The following RTN4R variants were observed in gnomAD, a reference collection of about 807,000 sequenced individuals.
RTN4R encodes reticulon-4 receptor.
In RTN4R, 4 loss-of-function variants were observed where a neutral mutation model predicts 27.7. The ratio of observed to expected loss-of-function variants is 0.14; its 90% CI spans 0.07 to 0.33. The LOEUF (loss-of-function observed/expected upper bound fraction) is 0.33. Ranked by LOEUF, RTN4R falls within the 10% of genes least tolerant of loss-of-function variation. RTN4R has a pLI of 1.00. For missense variants in RTN4R, 554 were observed against 671.5 expected (o/e 0.83, Z 1.93); for synonymous variants, 290 against 305.6 (o/e 0.95, Z 0.53).
At chr22:20,262,020 T>C (rs1272610174) in intron 1 of RTN4R, among the ~76,000 whole-genome samples, 1 of 152,096 alleles carries the variant, frequency 6.6e-6, no homozygotes, top group Non-Finnish European at 1.5e-5. Flanking sequence ...GGGAACAAGA[T>C]GGTAGGCAGG....
chr22:20,259,215 C>T (rs945499827), intron 1 of RTN4R, among the ~76,000 whole-genome samples: 1 of 152,174 alleles, frequency 6.6e-6, no homozygotes, highest in South Asian at 2.1e-4. Flanking sequence ...GCTCCGGCAG[C>T]GGGTGAAGAA....
At chr22:20,246,091 C>T (rs986668431) in intron 1 of RTN4R, among the ~76,000 whole-genome samples, 1 of 152,228 alleles carries the variant, frequency 6.6e-6, no homozygotes, top group African/African-American at 2.4e-5. Flanking sequence ...GGGACCTCCC[C>T]GGAGGATGGC....
chr22:20,260,590 G>C (rs1037781506), intron 1 of RTN4R, among the ~76,000 whole-genome samples: 5 of 152,172 alleles, frequency 3.3e-5, no homozygotes, highest in Non-Finnish European at 5.9e-5. Context: ...GGGTGAGTGA[G>C]TTCCCCAGGT....
chr22:20,255,276 G>GA lies in RTN4R; in HGVS notation c.23-12167dup, dbSNP rs1289621281. On this transcript the variant is annotated intron_variant, in intron 1 of 1. Coordinates refer to ENST00000043402, the MANE Select transcript of RTN4R (RefSeq NM_023004.6). The surrounding 1 kb of genome is among the most constrained non-coding windows in gnomAD (Gnocchi z 4.8). ...ATCTCAGAAAACAGATAAATAAAAA[G>GA]AAAAAAAAGAAAGTGTATCTTCCAG... Among the ~76,000 whole-genome samples the GA allele has an allele frequency of 6.6e-6, 1 of 151,858 alleles. No homozygotes were observed. Among genetic ancestry groups the GA allele is most frequent in the Non-Finnish European group, 1.5e-5 (1 of 67,942 alleles).
In RTN4R at chr22:20,255,234, G is replaced by T. The variant is rs1429847293; in HGVS notation, c.23-12124C>A. 1.3e-5 allele frequency among the ~76,000 whole-genome samples: 2 copies of T among 152,188 alleles called. No individual in the cohort carries two copies. The highest frequency in any genetic ancestry group is 2.9e-5 in the Non-Finnish European group (2 of 68,038). ...AATGTTATTATTTTTTAAAACAACT[G>T]CATATGTGGCACTAAAATCTCAGAA... On this transcript the variant is annotated intron_variant, in intron 1 of 1. Transcript: ENST00000043402. This position sits in a 1 kb window ranked among gnomAD's most constrained non-coding sequence, Gnocchi z 4.8.
chr22:20,246,152 A>G (rs1479153878), intron 1 of RTN4R, among the ~76,000 whole-genome samples: 3 of 152,172 alleles, frequency 2.0e-5, no homozygotes, highest in African/African-American at 7.2e-5. Flanking sequence ...GTCTCAGCCC[A>G]GGCCTGGCTC....
At chr22:20,252,495 C>G (rs531397670) in intron 1 of RTN4R, among the ~76,000 whole-genome samples, 58 of 152,328 alleles carry the variant, frequency 3.8e-4, no homozygotes, top group Admixed American at 5.9e-4. Flanking sequence ...GACTGCCAAC[C>G]CACTCCTCAG....
At chr22:20,253,875 C>A (rs1377348342) in intron 1 of RTN4R, among the ~76,000 whole-genome samples, 1 of 151,342 alleles carries the variant, frequency 6.6e-6, no homozygotes, top group Non-Finnish European at 1.5e-5. Flanking sequence ...TGTTAGAAAA[C>A]AAGGTCAAAG....
At chr22:20,266,664 G>C (rs894770043) in intron 1 of RTN4R, among the ~76,000 whole-genome samples, 12 of 152,228 alleles carry the variant, frequency 7.9e-5, no homozygotes, top group South Asian at 2.1e-4. Context: ...CTGGTGGGTA[G>C]GGAGTGGCTG....
Position 20,241,934 on chromosome 22 carries a change from GGCC to G in RTN4R, c.1196_1198del (p.Arg399del). ...GAACCCTGGTGGCTCGGAGCCCTCGGGCCGCACTGCAGTGAGCGGGGGCTCAGC... is the reference window on the plus strand; with the variant it reads ...GAACCCTGGTGGCTCGGAGCCCTCGGGCACTGCAGTGAGCGGGGGCTCAGC... On this transcript the variant is annotated inframe_deletion, in exon 2 of 2. Transcript: ENST00000043402. 6.2e-7 allele frequency: 1 copy of G among 1,606,806 alleles called. No homozygotes were observed. Among genetic ancestry groups the G allele is most frequent in the Non-Finnish European group, 8.5e-7 (1 of 1,178,132 alleles).
intron 1 of RTN4R, among the ~76,000 whole-genome samples, chr22:20,244,137 A>C (rs1295685389): frequency 1.3e-5 from 2 of 152,254 alleles, no homozygotes; most frequent in Non-Finnish European, 2.9e-5. Flanking sequence ...GTTATGGCTT[A>C]TCAGCTAACA....
chr22:20,260,252 T>C (rs989773553), intron 1 of RTN4R, among the ~76,000 whole-genome samples: 31 of 152,264 alleles, frequency 2.0e-4, no homozygotes, highest in Admixed American at 9.1e-4. Context: ...GCTCATGGGC[T>C]ACCACCTCAT....
At chr22:20,251,906 C>CCATCATTACCAT (rs566415111) in intron 1 of RTN4R, among the ~76,000 whole-genome samples, 1 of 314 alleles carries the variant, frequency 3.2e-3, no homozygotes, top group Non-Finnish European at 6.1e-3. Context: ...ATCATCATCA[C>CCATCATTACCAT]CACTATCCTT....
Position 20,241,978 on chromosome 22 carries a change from C to G in RTN4R, c.1155G>C (p.Gly385=). The G allele has an allele frequency of 6.2e-7, 1 of 1,609,996 alleles. No individual in the cohort carries two copies. Among genetic ancestry groups the G allele is most frequent in the South Asian group, 1.1e-5 (1 of 91,060 alleles). ...GGGGCTCAGCAGAGCCAGGCAGAGT[C>G]CCAAAGGGTGAGTCATTGATGTGCC... ...GPRHINDSPF[G]TLPGSAEPPL... Residue 385 remains glycine (G), a synonymous_variant, in exon 2 of 2, where the codon GGG becomes GGC. Transcript: ENST00000043402.
intron 1 of RTN4R, among the ~76,000 whole-genome samples, chr22:20,250,279 G>C (rs529242535): frequency 2.5e-4 from 38 of 152,382 alleles, no homozygotes; most frequent in Admixed American, 1.2e-3. Flanking sequence ...TAAAGGATGT[G>C]CTATTGGCAG....
chr22:20,254,506 C>T (rs1270222072), intron 1 of RTN4R, among the ~76,000 whole-genome samples: 1 of 149,616 alleles, frequency 6.7e-6, no homozygotes, highest in Non-Finnish European at 1.5e-5. Context: ...AACAACAACA[C>T]TGCAACAGCT....
intron 1 of RTN4R, among the ~76,000 whole-genome samples, chr22:20,256,129 C>T (rs116881746): frequency 1.3e-5 from 2 of 152,324 alleles, no homozygotes; most frequent in South Asian, 2.1e-4. Context: ...GAGGCTGATG[C>T]GCCGCCCCAC....
At chr22:20,248,616 C>T (rs1281454003) in intron 1 of RTN4R, among the ~76,000 whole-genome samples, 1 of 152,178 alleles carries the variant, frequency 6.6e-6, no homozygotes, top group Non-Finnish European at 1.5e-5. Flanking sequence ...CTGAGTGCCG[C>T]CCATACAAGA....
intron 1 of RTN4R, among the ~76,000 whole-genome samples, chr22:20,252,643 C>T (rs563475995): frequency 1.6e-4 from 25 of 152,258 alleles, no homozygotes; most frequent in African/African-American, 5.1e-4. Flanking sequence ...CATCCCCAGG[C>T]GACCAGAGCA....
Sources: allele counts gnomAD v4.1 joint callset (sites outside exome capture counted in the v4.1 genomes callset), GRCh38; gene constraint gnomAD v4.1.1; non-coding constraint Gnocchi (gnomAD v3.1); transcripts MANE v1.5; gene names NCBI Gene and HGNC (gene_info 2026-07-23, HGNC 2026-07-21).